Variants in ERBB4 observed in about 807,000 individuals in gnomAD.
ERBB4 encodes the protein receptor tyrosine-protein kinase erbB-4.
Under a neutral mutation model 158.0 loss-of-function variants are expected in ERBB4, and 42 were observed. That is an observed-to-expected ratio of 0.27 (90% CI 0.21 to 0.34). ERBB4 has a LOEUF of 0.34. Ranked by LOEUF, ERBB4 falls within the 10% of genes least tolerant of loss-of-function variation. ERBB4 has a pLI of 1.00. For synonymous variants in ERBB4, 583 were observed against 558.7 expected (o/e 1.04, Z -0.61); for missense variants, 1,333 against 1,624.1 (o/e 0.82, Z 3.08).
chr2:212,282,384 G>C (rs1460821829), intron 1 of ERBB4, among the ~76,000 whole-genome samples: 2 of 151,884 alleles, frequency 1.3e-5, no homozygotes, highest in Non-Finnish European at 2.9e-5. Context: ...ACTCTGGAAA[G>C]CACTTTTTAA....
chr2:211,942,765 A>G (rs185974283), intron 3 of ERBB4, among the ~76,000 whole-genome samples: 2 of 152,282 alleles, frequency 1.3e-5, no homozygotes, highest in Non-Finnish European at 2.9e-5. Flanking sequence ...TAGCGTATTC[A>G]GCTAATTTTT....
Position 211,673,084 on chromosome 2 carries a change from T to C in ERBB4, c.1716+80A>G, listed in dbSNP as rs1042748888. On this transcript the variant is annotated intron_variant, in intron 14 of 27. Transcript: ENST00000342788. ...ATCCTGTAAGTAGCTATTGAATGGA[T>C]GAATAAATGATAAAATAATAACAAA... is the stretch of plus-strand genomic sequence containing the variant. 10 of 1,109,464 alleles carry C rather than the reference T, an allele frequency of 9.0e-6. No homozygotes were observed. In the African/African-American group the frequency reaches 1.5e-4, roughly 17 times the overall value. 68.7% of individuals were successfully genotyped at this position (1,109,464 alleles called of 1,614,324 possible).
At chr2:211,653,606 A>G (rs532969975) in intron 16 of ERBB4, among the ~76,000 whole-genome samples, 33 of 152,206 alleles carry the variant, frequency 2.2e-4, no homozygotes, top group Admixed American at 1.7e-3. Flanking sequence ...GTGACTAAAA[A>G]TAAACTAGGC....
At chr2:212,128,060 G>A (rs1160799914) in intron 1 of ERBB4, among the ~76,000 whole-genome samples, 2 of 151,940 alleles carry the variant, frequency 1.3e-5, no homozygotes, top group African/African-American at 4.8e-5. Flanking sequence ...CTCTCTCCAG[G>A]GTCCTATCAG....
intron 20 of ERBB4, among the ~76,000 whole-genome samples, chr2:211,518,734 G>T: frequency 6.6e-6 from 1 of 151,924 alleles, no homozygotes; most frequent in East Asian, 1.9e-4. Context: ...ATTTTAAACT[G>T]TATCCTGTGT....
intron 1 of ERBB4, among the ~76,000 whole-genome samples, chr2:212,532,932 C>G (rs1026651999): frequency 6.6e-6 from 1 of 152,200 alleles, no homozygotes; most frequent in Non-Finnish European, 1.5e-5. Flanking sequence ...AAAGGGACAG[C>G]TTTCCTCTCT....
intron 2 of ERBB4, among the ~76,000 whole-genome samples, chr2:212,014,587 T>A (rs545280173): frequency 6.6e-6 from 1 of 152,350 alleles, no homozygotes; most frequent in African/African-American, 2.4e-5. Context: ...GAGTATTATT[T>A]GATCAAATCT....
At position 211,957,797 on chromosome 2, in the gene ERBB4, C is replaced by A. The variant is rs183896574; in HGVS notation, c.235-10181G>T. Among the ~76,000 whole-genome samples, 258 of 152,168 alleles carry A rather than the reference C, an allele frequency of 1.7e-3. 1 individual carries two copies. Among genetic ancestry groups the A allele is most frequent in the African/African-American group, 5.7e-3 (238 of 41,528 alleles). On this transcript the variant is annotated intron_variant, in intron 2 of 27. Transcript: ENST00000342788. The stretch of plus-strand genomic sequence containing the variant: ...TTTCTAAAGGAATAACTACACATCA[C>A]CAAAGTTTAGATGAGAAAACTGCTT...
chr2:211,884,725 C>T (rs536564494), intron 3 of ERBB4, among the ~76,000 whole-genome samples: 59 of 152,244 alleles, frequency 3.9e-4, no homozygotes, highest in Non-Finnish European at 7.5e-4. Context: ...CCAATTTCAT[C>T]AACTCACTCT....
At chr2:211,532,157 G>GA (rs1157154771) in intron 20 of ERBB4, among the ~76,000 whole-genome samples, 1 of 151,378 alleles carries the variant, frequency 6.6e-6, no homozygotes, top group Admixed American at 6.6e-5. Flanking sequence ...GTTGTGGGGG[G>GA]GGAAAGTAGG....
chr2:211,637,302 T>G (rs1273271185), intron 16 of ERBB4, among the ~76,000 whole-genome samples: 1 of 151,970 alleles, frequency 6.6e-6, no homozygotes, highest in African/African-American at 2.4e-5. Context: ...TTATAATTCA[T>G]TCACAATTAC....
intron 1 of ERBB4, among the ~76,000 whole-genome samples, chr2:212,387,633 G>T (rs2090722347): frequency 6.6e-6 from 1 of 151,918 alleles, no homozygotes; most frequent in South Asian, 2.1e-4. Flanking sequence ...GGTCAGGCTT[G>T]GTTCAAACTC....
chr2:211,413,089 A>T (rs930624283), intron 25 of ERBB4, among the ~76,000 whole-genome samples: 3 of 152,038 alleles, frequency 2.0e-5, no homozygotes, highest in Non-Finnish European at 4.4e-5. Context: ...TGAGGCCAGG[A>T]GTTTGAGACC....
intron 2 of ERBB4, among the ~76,000 whole-genome samples, chr2:212,105,042 A>C (rs371564767): frequency 5.4e-5 from 8 of 148,274 alleles, no homozygotes; most frequent in Admixed American, 1.3e-4. Flanking sequence ...CTCAAAAAAA[A>C]CCTGGGGACT....
chr2:211,816,825 C>A (rs987822334), intron 3 of ERBB4, among the ~76,000 whole-genome samples: 17 of 152,112 alleles, frequency 1.1e-4, no homozygotes, highest in Non-Finnish European at 2.1e-4. Context: ...CAGTACTTAG[C>A]ATTCACTTCC....
At chr2:211,568,597 A>C (rs1022526851) in intron 19 of ERBB4, among the ~76,000 whole-genome samples, 1 of 152,172 alleles carries the variant, frequency 6.6e-6, no homozygotes, top group Non-Finnish European at 1.5e-5. Context: ...ACTCTGTTTC[A>C]TTGTATCTAT....
chr2:212,382,829 T>C (rs1261312994), intron 1 of ERBB4, among the ~76,000 whole-genome samples: 2 of 151,306 alleles, frequency 1.3e-5, no homozygotes, highest in Non-Finnish European at 3.0e-5. Context: ...ATTTATCATG[T>C]TTTTTCTTTT....
chr2:211,845,203 C>T (rs1235176856), intron 3 of ERBB4, among the ~76,000 whole-genome samples: 1 of 152,016 alleles, frequency 6.6e-6, no homozygotes, highest in Non-Finnish European at 1.5e-5. Context: ...AGCAATTGTC[C>T]TCAAATATAC....
intron 1 of ERBB4, among the ~76,000 whole-genome samples, chr2:212,237,045 T>C (rs1007109770): frequency 1.5e-4 from 23 of 152,302 alleles, no homozygotes; most frequent in African/African-American, 5.5e-4. Flanking sequence ...TCTAGTTCTT[T>C]TAATTGTGAT....
Sources: allele counts gnomAD v4.1 joint callset (sites outside exome capture counted in the v4.1 genomes callset), GRCh38; gene constraint gnomAD v4.1.1; transcripts MANE v1.5; gene names NCBI Gene and HGNC (gene_info 2026-07-23, HGNC 2026-07-21).